Variants in CNTN4 observed in about 807,000 individuals in gnomAD.
CNTN4 encodes contactin-4.
CNTN4 carries 77 observed loss-of-function variants against 122.5 expected under a neutral mutation model. That is an observed-to-expected ratio of 0.63 (90% CI 0.52 to 0.76). CNTN4 has a LOEUF of 0.76. CNTN4 is among the 30% of genes least tolerant of loss of function. The pLI is 0.00. For missense variants in CNTN4, 1,256 were observed against 1,259.1 expected, an observed-to-expected ratio of 1.00 and a Z score of 0.04; for synonymous variants, 512 against 447.0, an observed-to-expected ratio of 1.15 and a Z score of -1.83.
At chr3:2,241,699 T>C (rs1428371395) in intron 2 of CNTN4, among the ~76,000 whole-genome samples, 1 of 152,180 alleles carries the variant, frequency 6.6e-6, no homozygotes. Flanking sequence ...TGTATCTGCC[T>C]CCCAATTAGA....
chr3:3,034,892 A>C, intron 17 of CNTN4, 102 bp downstream of exon 17: 1 of 1,206,082 alleles, frequency 8.3e-7, no homozygotes, highest in Non-Finnish European at 1.2e-6. Flanking sequence ...CACTACTACA[A>C]ATGATATATT....
intron 6 of CNTN4, among the ~76,000 whole-genome samples, chr3:2,809,935 A>T (rs1204352403): frequency 2.6e-5 from 4 of 152,232 alleles, no homozygotes; most frequent in Admixed American, 2.6e-4. Flanking sequence ...TGAGAAATAA[A>T]AATAGCCATC....
At chr3:2,501,712 AG>A (rs1190163579) in intron 3 of CNTN4, among the ~76,000 whole-genome samples, 3 of 152,194 alleles carry the variant, frequency 2.0e-5, no homozygotes, top group Non-Finnish European at 4.4e-5. Flanking sequence ...CATATAATCT[AG>A]GATAACATCC....
chr3:3,005,211 C>G (rs1696499237), intron 14 of CNTN4, among the ~76,000 whole-genome samples: 1 of 152,228 alleles, frequency 6.6e-6, no homozygotes, highest in African/African-American at 2.4e-5. Flanking sequence ...CCAAAAATCA[C>G]TTGGCCACAT....
At chr3:2,896,293 C>G (rs1475254920) in intron 10 of CNTN4, among the ~76,000 whole-genome samples, 3 of 151,952 alleles carry the variant, frequency 2.0e-5, no homozygotes, top group Non-Finnish European at 4.4e-5. Context: ...AAGGAAGCAG[C>G]CTTGCGTTGT....
At chr3:2,450,036 A>G (rs1386651824) in intron 3 of CNTN4, among the ~76,000 whole-genome samples, 3 of 152,172 alleles carry the variant, frequency 2.0e-5, no homozygotes, top group African/African-American at 7.2e-5. Flanking sequence ...CATAGTGCTT[A>G]TAGTTAACAG....
intron 3 of CNTN4, among the ~76,000 whole-genome samples, chr3:2,350,044 G>C (rs148918912): frequency 2.2e-4 from 33 of 152,286 alleles, no homozygotes; most frequent in African/African-American, 7.5e-4. Flanking sequence ...ACAGGCGCTT[G>C]TCTCAAAGGT....
intron 4 of CNTN4, among the ~76,000 whole-genome samples, chr3:2,660,353 C>A (rs17018137): frequency 0.23 from 35,058 of 152,140 alleles, 4,315 homozygotes; most frequent in South Asian, 0.37. Context: ...GTTATATCAA[C>A]CAAGTATTTC....
rs887074839 is a variant in CNTN4, at chr3:2,385,383, G to C, written c.-89+46150G>C. 1.3e-5 allele frequency among the ~76,000 whole-genome samples: 2 copies of C among 152,060 alleles called. No homozygotes were observed. The highest frequency in any genetic ancestry group is 2.9e-5 in the Non-Finnish European group (2 of 68,030). On this transcript the variant is annotated intron_variant, in intron 3 of 24. Transcript: ENST00000418658. This position sits in a 1 kb window ranked among gnomAD's most constrained non-coding sequence, Gnocchi z 4.0. ...AACCTATTAGCATACTTAAGGCAGAGTCTTTGTCCTTTTCTCCACTATTAC... is the reference window on the plus strand; with the variant it reads ...AACCTATTAGCATACTTAAGGCAGACTCTTTGTCCTTTTCTCCACTATTAC...
chr3:2,549,731 A>G (rs1282633896), intron 3 of CNTN4, among the ~76,000 whole-genome samples: 1 of 152,110 alleles, frequency 6.6e-6, no homozygotes, highest in East Asian at 1.9e-4. Flanking sequence ...GTTAGGGAGG[A>G]GTCCTTCTTT....
At chr3:2,212,716 G>C (rs1022752290) in intron 2 of CNTN4, among the ~76,000 whole-genome samples, 9 of 152,184 alleles carry the variant, frequency 5.9e-5, no homozygotes, top group African/African-American at 2.2e-4. Context: ...GTTTAAAATA[G>C]TGTTTTTTCA....
intron 2 of CNTN4, among the ~76,000 whole-genome samples, chr3:2,222,987 A>G (rs2039121009): frequency 6.6e-6 from 1 of 152,226 alleles, no homozygotes. Context: ...TAAGTATATC[A>G]CAGGGAAGTC....
chr3:3,026,929 T>C (rs984489667), intron 15 of CNTN4, among the ~76,000 whole-genome samples: 5 of 152,180 alleles, frequency 3.3e-5, no homozygotes, highest in African/African-American at 1.2e-4. Flanking sequence ...AAAATTTTTT[T>C]CTGCTCTAAC....
intron 3 of CNTN4, among the ~76,000 whole-genome samples, chr3:2,570,729 T>C (rs573823095): frequency 6.6e-5 from 10 of 152,262 alleles, no homozygotes; most frequent in Admixed American, 2.6e-4. Context: ...GTAAAGGTAA[T>C]GAGTGGCCTC....
intron 3 of CNTN4, among the ~76,000 whole-genome samples, chr3:2,568,331 A>AAC (rs2079269945): frequency 6.6e-6 from 1 of 151,014 alleles, no homozygotes; most frequent in African/African-American, 2.4e-5. Context: ...AAAAAAAAAA[A>AAC]AAAAAAAAAC....
At chr3:2,644,870 G>GTATTCTGCAAACATCTAGTAT (rs1389215846) in intron 4 of CNTN4, among the ~76,000 whole-genome samples, 3 of 149,268 alleles carry the variant, frequency 2.0e-5, no homozygotes, top group African/African-American at 7.4e-5. Flanking sequence ...CCCTTGTCTT[G>GTATTCTGCAAACATCTAGTAT]TATTCTGCAA....
intron 7 of CNTN4, among the ~76,000 whole-genome samples, chr3:2,834,897 C>CCTTTTTTTTTTTTTTT (rs2093184317): frequency 1.3e-5 from 1 of 79,978 alleles, no homozygotes; most frequent in African/African-American, 5.6e-5. Flanking sequence ...ATAAAGGCAA[C>CCTTTTTTTTTTTTTTT]CTTTTTTTTT....
At chr3:2,117,455 G>T (rs187427118) in intron 2 of CNTN4, among the ~76,000 whole-genome samples, 33 of 152,290 alleles carry the variant, frequency 2.2e-4, no homozygotes, top group Middle Eastern at 3.4e-3. Flanking sequence ...AGCTTCATTA[G>T]GTAGGCATGA....
At chr3:3,000,233 G>C (rs1695906347) in intron 14 of CNTN4, among the ~76,000 whole-genome samples, 1 of 151,936 alleles carries the variant, frequency 6.6e-6, no homozygotes, top group South Asian at 2.1e-4. Flanking sequence ...CAAGAGAGGG[G>C]GGAAATATAG....
Sources: gnomAD v4.1 joint callset for allele counts (sites outside exome capture counted in the v4.1 genomes callset) on GRCh38, gnomAD v4.1.1 for gene constraint, Gnocchi (gnomAD v3.1) non-coding constraint, MANE v1.5 for transcripts, NCBI Gene and HGNC (gene_info 2026-07-23, HGNC 2026-07-21) for gene names.